Variants in NKAIN3 observed in about 807,000 individuals in gnomAD.
The protein encoded by NKAIN3 is sodium/potassium-transporting ATPase subunit beta-1-interacting protein 3.
In NKAIN3, 25 loss-of-function variants were observed where a neutral mutation model predicts 30.2. That is an observed-to-expected ratio of 0.83 (90% CI 0.60 to 1.16). The LOEUF is 1.16. Ranked by LOEUF, NKAIN3 falls within the 50% of genes most tolerant of loss-of-function variation. NKAIN3 has a pLI of 0.00. For synonymous variants in NKAIN3, 91 were observed against 89.6 expected (o/e 1.02, Z -0.09); for missense variants, 225 against 254.1 (o/e 0.89, Z 0.78).
At chr8:62,403,558 G>T (rs564123413) in intron 1 of NKAIN3, among the ~76,000 whole-genome samples, 9 of 152,354 alleles carry the variant, frequency 5.9e-5, no homozygotes, top group African/African-American at 2.2e-4. Flanking sequence ...TCAGGCCATT[G>T]TTTCAGAGGG....
intron 1 of NKAIN3, among the ~76,000 whole-genome samples, chr8:62,313,979 A>C (rs28556827): frequency 1.3e-4 from 19 of 151,922 alleles, no homozygotes; most frequent in Non-Finnish European, 2.5e-4. Flanking sequence ...AATTAAAGAG[A>C]AATAAAATAA....
At chr8:62,458,361 T>G (rs2198219) in intron 1 of NKAIN3, among the ~76,000 whole-genome samples, 150,703 of 152,334 alleles carry the variant, frequency 0.99, 74,549 homozygotes, top group East Asian at 1. Flanking sequence ...TACAAGAAAG[T>G]GGTAAGGCAT....
chr8:62,249,330 A>C (rs1328961503), intron 1 of NKAIN3, among the ~76,000 whole-genome samples: 3 of 151,992 alleles, frequency 2.0e-5, no homozygotes, highest in African/African-American at 7.2e-5. Flanking sequence ...CCTGCCCTGC[A>C]GGAGGGCGCG....
At chr8:62,528,341 A>ATATATATATTATATAATATAT (rs1563441521) in intron 1 of NKAIN3, among the ~76,000 whole-genome samples, 3 of 36,962 alleles carry the variant, frequency 8.1e-5, no homozygotes, top group African/African-American at 2.0e-4. Context: ...ATATTATATA[A>ATATATATATTATATAATATAT]TATATATATA....
At chr8:62,261,547 G>C (rs536595407) in intron 1 of NKAIN3, among the ~76,000 whole-genome samples, 8 of 152,280 alleles carry the variant, frequency 5.3e-5, no homozygotes, top group African/African-American at 1.4e-4. Flanking sequence ...TGGCATCATT[G>C]GTCCTAATTA....
intron 4 of NKAIN3, among the ~76,000 whole-genome samples, chr8:62,799,682 A>G (rs1817990941): frequency 6.6e-6 from 1 of 152,226 alleles, no homozygotes; most frequent in African/African-American, 2.4e-5. Flanking sequence ...TGATCCAGCA[A>G]TCCCACTACT....
intron 1 of NKAIN3, among the ~76,000 whole-genome samples, chr8:62,512,390 G>A (rs924047235): frequency 3.3e-5 from 5 of 152,068 alleles, no homozygotes; most frequent in African/African-American, 9.7e-5. Context: ...TGGTCAGTGA[G>A]GGCCTGGAAA....
chr8:62,595,286 CA>C (rs1475276909), intron 3 of NKAIN3, among the ~76,000 whole-genome samples: 1 of 151,006 alleles, frequency 6.6e-6, no homozygotes, highest in Non-Finnish European at 1.5e-5. Context: ...ATTTCTTCTC[CA>C]AAAAGCATAC....
intron 1 of NKAIN3, among the ~76,000 whole-genome samples, chr8:62,444,869 A>G (rs557178916): frequency 6.6e-6 from 1 of 152,200 alleles, no homozygotes; most frequent in African/African-American, 2.4e-5. Flanking sequence ...ACCAGCATCC[A>G]TTATTCCCTG....
intron 3 of NKAIN3, among the ~76,000 whole-genome samples, chr8:62,745,492 A>G (rs1054545804): frequency 6.6e-6 from 1 of 152,008 alleles, no homozygotes; most frequent in Non-Finnish European, 1.5e-5. Context: ...CATCACCACT[A>G]CTTCTTCTAC....
At chr8:62,453,812 T>C (rs2129598993) in intron 1 of NKAIN3, among the ~76,000 whole-genome samples, 1 of 152,056 alleles carries the variant, frequency 6.6e-6, no homozygotes, top group South Asian at 2.1e-4. Flanking sequence ...ATATAACTTC[T>C]CAATATTGAA....
intron 1 of NKAIN3, among the ~76,000 whole-genome samples, chr8:62,548,205 C>G (rs1585932181): frequency 2.0e-5 from 3 of 152,190 alleles, no homozygotes; most frequent in African/African-American, 7.2e-5. Context: ...AAAATACCTT[C>G]ATTCCTCACA....
intron 1 of NKAIN3, among the ~76,000 whole-genome samples, chr8:62,340,036 G>A (rs1815690671): frequency 6.6e-6 from 1 of 151,998 alleles, no homozygotes; most frequent in South Asian, 2.1e-4. Flanking sequence ...AGCTGACACT[G>A]ATATGGGAAA....
At chr8:62,672,218 G>C (rs745899974) in intron 3 of NKAIN3, among the ~76,000 whole-genome samples, 2 of 152,194 alleles carry the variant, frequency 1.3e-5, no homozygotes, top group Non-Finnish European at 2.9e-5. Flanking sequence ...GTTCACCCAT[G>C]CCATCCATCA....
chr8:62,789,074 T>G (rs370678783), intron 4 of NKAIN3, among the ~76,000 whole-genome samples: 161 of 152,068 alleles, frequency 1.1e-3, no homozygotes, highest in South Asian at 7.7e-3. Flanking sequence ...GTGAAGAAAG[T>G]CATTGGTAGC....
At chr8:62,293,538 G>T (rs923146291) in intron 1 of NKAIN3, among the ~76,000 whole-genome samples, 5 of 152,172 alleles carry the variant, frequency 3.3e-5, no homozygotes, top group Non-Finnish European at 7.3e-5. Flanking sequence ...ACCAGCGGAG[G>T]CTGCAGAACA....
intron 1 of NKAIN3, among the ~76,000 whole-genome samples, chr8:62,310,917 A>G (rs1425450168): frequency 6.6e-6 from 1 of 150,382 alleles, no homozygotes; most frequent in Non-Finnish European, 1.5e-5. Context: ...AGACTTGGAG[A>G]ACCTCAGGTT....
chr8:62,435,270 G>A (rs1003389287), intron 1 of NKAIN3, among the ~76,000 whole-genome samples: 1 of 151,988 alleles, frequency 6.6e-6, no homozygotes, highest in Non-Finnish European at 1.5e-5. Context: ...ACTTCCTCCT[G>A]GGGGCCTAAT....
At chr8:62,558,181 A>G (rs1585944157) in intron 1 of NKAIN3, among the ~76,000 whole-genome samples, 1 of 151,744 alleles carries the variant, frequency 6.6e-6, no homozygotes, top group African/African-American at 2.4e-5. Context: ...TCCCCACTTT[A>G]TGCTGTTGTT....
Sources: allele counts gnomAD v4.1 joint callset (sites outside exome capture counted in the v4.1 genomes callset), GRCh38; gene constraint gnomAD v4.1.1; transcripts MANE v1.5; gene names NCBI Gene and HGNC (gene_info 2026-07-23, HGNC 2026-07-21).